SNX29: variants seen among roughly 807,000 people sequenced by gnomAD.
SNX29 encodes sorting nexin 29, also known as sorting nexin-29.
A neutral mutation model predicts 102.1 loss-of-function variants in SNX29; 78 were observed. The ratio of observed to expected loss-of-function variants is 0.76; its 90% CI spans 0.64 to 0.92. The LOEUF is 0.92. Among genes scored for constraint, SNX29 ranks in the 40% least tolerant of loss-of-function variants. The pLI is 0.00. For synonymous variants in SNX29, 580 were observed against 414.5 expected, an observed-to-expected ratio of 1.40 and a Z score of -4.85; for missense variants, 1,280 against 1,061.7, an observed-to-expected ratio of 1.21 and a Z score of -2.86.
At chr16:12,356,371 G>C in intron 16 of SNX29, 92 bp downstream of exon 16, 1 of 1,154,872 alleles carries the variant, frequency 8.7e-7, no homozygotes, top group Non-Finnish European at 1.2e-6. Context: ...AAGCAACCAT[G>C]CATCCACTGG....
intron 11 of SNX29, among the ~76,000 whole-genome samples, chr16:12,097,639 A>C (rs1357273330): frequency 1.3e-5 from 2 of 151,682 alleles, no homozygotes; most frequent in African/African-American, 4.9e-5. Context: ...TAATTTGTTT[A>C]CAGACTTTCA....
chr16:12,077,257 T>G lies in SNX29; in HGVS notation c.1320-1576T>G, dbSNP rs60230282. On this transcript the variant is annotated intron_variant, in intron 10 of 20. Coordinates refer to ENST00000566228, the MANE Select transcript of SNX29 (RefSeq NM_032167.5). The stretch of plus-strand genomic sequence containing the variant: ...TTGCACCACTGCACTCCAGCCTAGT[T>G]AACGGAGTGAGAACCTGTCTTAAAA... Among the ~76,000 whole-genome samples, 46 of 150,986 alleles carry G rather than the reference T, an allele frequency of 3.0e-4. No individual in the cohort carries two copies. In the East Asian group the frequency reaches 8.8e-3, roughly 29 times the overall value.
intron 13 of SNX29, among the ~76,000 whole-genome samples, chr16:12,143,308 AAG>A (rs1444750599): frequency 6.6e-6 from 1 of 152,126 alleles, no homozygotes; most frequent in African/African-American, 2.4e-5. Context: ...GCCACAAGCA[AAG>A]ATTTTAACCT....
intron 18 of SNX29, among the ~76,000 whole-genome samples, chr16:12,413,408 G>A (rs1473095355): frequency 1.3e-5 from 2 of 151,802 alleles, no homozygotes; most frequent in Non-Finnish European, 2.9e-5. Context: ...ATATGGGAGC[G>A]AATAACAGGG....
rs911906001 is a variant in SNX29 at position 12,314,413 on chromosome 16, C to T, written c.1782+36377C>T. ...GGTGGTTGCGAGTGGACTCTGGAGC[C>T]AGACAGCTCAGGCTGGACTCTTGGC... On this transcript the variant is annotated intron_variant, in intron 15 of 20. Coordinates refer to ENST00000566228, the MANE Select transcript of SNX29 (RefSeq NM_032167.5). Among the ~76,000 whole-genome samples, 5 of 152,356 alleles carry T rather than the reference C, an allele frequency of 3.3e-5. No individual in the cohort carries two copies. In the East Asian group the frequency reaches 7.7e-4, roughly 23 times the overall value.
intron 14 of SNX29, among the ~76,000 whole-genome samples, chr16:12,206,813 G>GTTTTT (rs1174052327): frequency 2.9e-5 from 2 of 67,804 alleles, no homozygotes; most frequent in Non-Finnish European, 4.7e-5. Flanking sequence ...GGAATGAGGT[G>GTTTTT]GTTTTTTTTT....
chr16:12,371,572 T>G (rs1391819203), intron 16 of SNX29, among the ~76,000 whole-genome samples: 1 of 152,366 alleles, frequency 6.6e-6, no homozygotes, highest in East Asian at 1.9e-4. Context: ...CCCAAAGTGC[T>G]GGGATTATAG....
chr16:12,540,168 C>T (rs572682015), intron 20 of SNX29, among the ~76,000 whole-genome samples: 1 of 152,236 alleles, frequency 6.6e-6, no homozygotes, highest in South Asian at 2.1e-4. Flanking sequence ...ATCTGCGATT[C>T]ATTTTGAGTG....
At chr16:12,290,076 A>G (rs979864432) in intron 15 of SNX29, among the ~76,000 whole-genome samples, 5 of 152,162 alleles carry the variant, frequency 3.3e-5, no homozygotes, top group African/African-American at 7.2e-5. Flanking sequence ...TAGACGGGCA[A>G]TGACAAACTA....
chr16:12,289,457 G>C (rs779609545), intron 15 of SNX29, among the ~76,000 whole-genome samples: 1 of 152,116 alleles, frequency 6.6e-6, no homozygotes, highest in Non-Finnish European at 1.5e-5. Context: ...TTCTCTCACA[G>C]AACCTTGGAT....
chr16:12,005,423 G>T (rs1250409318), intron 3 of SNX29, among the ~76,000 whole-genome samples: 1 of 152,142 alleles, frequency 6.6e-6, no homozygotes, highest in Non-Finnish European at 1.5e-5. Context: ...CTGAGAATTT[G>T]CATTTCAACA....
chr16:11,991,333 A>G (rs1325667119), intron 1 of SNX29, among the ~76,000 whole-genome samples: 1 of 152,196 alleles, frequency 6.6e-6, no homozygotes, highest in Non-Finnish European at 1.5e-5. Flanking sequence ...CAAAAGGGCC[A>G]GAGCTAGGAA....
intron 15 of SNX29, among the ~76,000 whole-genome samples, chr16:12,334,627 C>T (rs940042706): frequency 6.6e-6 from 1 of 152,130 alleles, no homozygotes; most frequent in Non-Finnish European, 1.5e-5. Context: ...TTGGCTAATT[C>T]GGTTTTTAGG....
chr16:12,030,216 C>G (rs1388082341), intron 4 of SNX29, among the ~76,000 whole-genome samples: 1 of 152,158 alleles, frequency 6.6e-6, no homozygotes, highest in Non-Finnish European at 1.5e-5. Flanking sequence ...GCTCTTGTTT[C>G]TATGCATACT....
At chr16:12,550,947 A>G (rs907076589) in intron 20 of SNX29, among the ~76,000 whole-genome samples, 1 of 152,148 alleles carries the variant, frequency 6.6e-6, no homozygotes, top group Non-Finnish European at 1.5e-5. Flanking sequence ...TAGTTGAATC[A>G]TAAAGGTAGA....
intron 14 of SNX29, 50 bp downstream of exon 14, chr16:12,199,733 A>C (rs1017082312): frequency 6.6e-7 from 1 of 1,505,754 alleles, no homozygotes; most frequent in Non-Finnish European, 9.1e-7. Flanking sequence ...TTTTCCATTA[A>C]CACCTGTACG....
At chr16:12,323,533 T>C (rs1280791328) in intron 15 of SNX29, among the ~76,000 whole-genome samples, 1 of 134,172 alleles carries the variant, frequency 7.5e-6, no homozygotes. Flanking sequence ...AAAAAAAAAA[T>C]GGTGAACAAA....
intron 14 of SNX29, among the ~76,000 whole-genome samples, chr16:12,254,137 G>T (rs926568225): frequency 6.6e-6 from 1 of 152,176 alleles, no homozygotes; most frequent in African/African-American, 2.4e-5. Context: ...GGCATGTTGA[G>T]TGTGAGCTAT....
intron 15 of SNX29, among the ~76,000 whole-genome samples, chr16:12,278,566 T>C (rs11866174): frequency 6.6e-6 from 1 of 152,216 alleles, no homozygotes; most frequent in African/African-American, 2.4e-5. Context: ...GGTTTCATGG[T>C]GATTTCTAGG....
Sources: allele counts gnomAD v4.1 joint callset (sites outside exome capture counted in the v4.1 genomes callset), GRCh38; gene constraint gnomAD v4.1.1; transcripts MANE v1.5; gene names NCBI Gene and HGNC (gene_info 2026-07-23, HGNC 2026-07-21).